OPTN: variants seen among roughly 807,000 people sequenced by gnomAD.
The protein encoded by OPTN is optineurin.
OPTN carries 54 observed loss-of-function variants against 70.4 expected under a neutral mutation model. The ratio of observed to expected loss-of-function variants is 0.77; its 90% CI spans 0.62 to 0.96. OPTN has a LOEUF of 0.96. Among genes scored for constraint, OPTN ranks in the 40% least tolerant of loss-of-function variants. The pLI is 0.00. For missense variants in OPTN, 624 were observed against 673.2 expected (o/e 0.93, Z 0.81); for synonymous variants, 256 against 248.5 (o/e 1.03, Z -0.28).
chr10:13,111,728 T>C (rs1564356828), intron 4 of OPTN, among the ~76,000 whole-genome samples: 1 of 151,992 alleles, frequency 6.6e-6, no homozygotes, highest in Non-Finnish European at 1.5e-5. Context: ...AAGCTGAAAT[T>C]TTCTACATTA....
At chr10:13,109,823 A>G (rs1832955175) in intron 3 of OPTN, among the ~76,000 whole-genome samples, 1 of 132,366 alleles carries the variant, frequency 7.6e-6, no homozygotes. Flanking sequence ...TGACAGAGAG[A>G]GACCCTGACT....
chr10:13,116,960 C>A (rs910274218), intron 6 of OPTN, among the ~76,000 whole-genome samples: 2 of 152,126 alleles, frequency 1.3e-5, no homozygotes, highest in African/African-American at 4.8e-5. Context: ...AGCGCCTGAA[C>A]CTCTTGACTC....
chr10:13,124,348 A>C (rs1181101778), intron 9 of OPTN, among the ~76,000 whole-genome samples: 2 of 152,190 alleles, frequency 1.3e-5, no homozygotes, highest in East Asian at 3.9e-4. Flanking sequence ...CATTTGTTAA[A>C]TGTACGAGCC....
chr10:13,132,331 G>A, intron 13 of OPTN, 134 bp downstream of exon 13: 1 of 797,056 alleles, frequency 1.3e-6, no homozygotes, highest in Non-Finnish European at 2.0e-6. Flanking sequence ...CTAGGTGACA[G>A]AGCGAGTCCC....
At chr10:13,106,511 T>G (rs1003845398) in intron 1 of OPTN, among the ~76,000 whole-genome samples, 1 of 152,218 alleles carries the variant, frequency 6.6e-6, no homozygotes, top group African/African-American at 2.4e-5. Flanking sequence ...TTCTGCTTCG[T>G]AAGATTGCCA....
chr10:13,135,492 G>C (rs1833680622), intron 14 of OPTN, among the ~76,000 whole-genome samples: 2 of 151,474 alleles, frequency 1.3e-5, no homozygotes, highest in African/African-American at 4.9e-5. Flanking sequence ...ATCTAAACTA[G>C]GGGCCCTTCC....
At chr10:13,134,619 G>A (rs1833661024) in intron 14 of OPTN, among the ~76,000 whole-genome samples, 2 of 151,986 alleles carry the variant, frequency 1.3e-5, no homozygotes, top group African/African-American at 4.8e-5. Flanking sequence ...GTAGAGACAG[G>A]GTTTCACCAT....
At chr10:13,106,423 C>A (rs913950017) in intron 1 of OPTN, among the ~76,000 whole-genome samples, 2 of 152,166 alleles carry the variant, frequency 1.3e-5, no homozygotes, top group African/African-American at 2.4e-5. Context: ...TGCATTATAC[C>A]TGTTTTCTAA....
intron 4 of OPTN, among the ~76,000 whole-genome samples, 180 bp from the exon 5 acceptor site, chr10:13,112,273 A>AATT (rs1833024919): frequency 1.3e-5 from 2 of 149,226 alleles, no homozygotes; most frequent in African/African-American, 5.0e-5. Context: ...ACACCTGGCT[A>AATT]ATTATTAAAT....
intron 1 of OPTN, among the ~76,000 whole-genome samples, chr10:13,106,752 G>A (rs1832873917): frequency 6.6e-6 from 1 of 152,188 alleles, no homozygotes; most frequent in Non-Finnish European, 1.5e-5. Context: ...GGTGCATTTT[G>A]TTTTATTTTA....
chr10:13,133,658 A>G, intron 14 of OPTN, 77 bp downstream of exon 14: 1 of 1,282,630 alleles, frequency 7.8e-7, no homozygotes, highest in Non-Finnish European at 1.1e-6. Context: ...ATTCCACTTC[A>G]TTCTCTACAA....
intron 5 of OPTN, among the ~76,000 whole-genome samples, chr10:13,115,469 GAATATAT>G (rs1833168260): frequency 2.2e-5 from 2 of 89,660 alleles, no homozygotes; most frequent in African/African-American, 1.2e-4. Context: ...ATATAATATA[GAATATAT>G]ATAATATATT....
intron 1 of OPTN, among the ~76,000 whole-genome samples, chr10:13,104,127 G>A (rs1216283289): frequency 6.6e-6 from 1 of 152,010 alleles, no homozygotes; most frequent in African/African-American, 2.4e-5. Context: ...TCTGTAACTG[G>A]CATTCCACCG....
Position 13,109,108 on chromosome 10 carries a change from A to G in OPTN, c.-11-4A>G, listed in dbSNP as rs1348021141. 2 of 1,613,664 alleles carry G rather than the reference A, an allele frequency of 1.2e-6. No individual in the cohort carries two copies. The highest frequency in any genetic ancestry group is 2.2e-5 in the East Asian group (1 of 44,880). ...TCTATTTTCAACAGGTGACTTTTCC[A>G]CAGGAACTTCTGCAATGTCCCATCA... On this transcript the variant is annotated splice_polypyrimidine_tract_variant and splice_region_variant and intron_variant, in intron 2 of 14. Transcript: ENST00000378747.
chr10:13,114,814 T>TTATATAACTATATAATTATATAACGTA (rs1564358865), intron 5 of OPTN, among the ~76,000 whole-genome samples: 2 of 66,690 alleles, frequency 3.0e-5, no homozygotes, highest in Non-Finnish European at 5.1e-5. Flanking sequence ...ATATATATAA[T>TTATATAACTATATAATTATATAACGTA]TATATAATTA....
In OPTN at chr10:13,126,024, A is replaced by G; in HGVS notation, c.1227A>G (p.Glu409=). Residue 409 remains glutamate, a synonymous_variant, in exon 11 of 15, where the codon GAA becomes GAG. Coordinates refer to ENST00000378747, the MANE Select transcript of OPTN (RefSeq NM_001008212.2). ...ATAATGCATTGAAAACAATTGAGGA[A>G]CTAACAAGAAAAGAGGTATTCACTG... The part of the protein sequence containing the change: ...EHNNALKTIE[E]LTRKESEKVD... The G allele has an allele frequency of 3.1e-6, 5 of 1,607,808 alleles. No homozygotes were observed. The highest frequency in any genetic ancestry group is 4.3e-6 in the Non-Finnish European group (5 of 1,174,426).
intron 7 of OPTN, among the ~76,000 whole-genome samples, chr10:13,120,780 A>G (rs1833331007): frequency 1.3e-5 from 2 of 152,142 alleles, no homozygotes; most frequent in Non-Finnish European, 2.9e-5. Flanking sequence ...CAGGAAGTGT[A>G]TTAGCCCGTT....
At chr10:13,134,001 G>C (rs1833647512) in intron 14 of OPTN, among the ~76,000 whole-genome samples, 1 of 152,062 alleles carries the variant, frequency 6.6e-6, no homozygotes, top group South Asian at 2.1e-4. Flanking sequence ...TAGAGATGGG[G>C]TTTCACCGTG....
At chr10:13,108,880 ACG>A in intron 2 of OPTN, 2 of 516,354 alleles carry the variant, frequency 3.9e-6, no homozygotes. Flanking sequence ...ATACACACAC[ACG>A]CACACACACA....
Sources: allele counts gnomAD v4.1 joint callset (sites outside exome capture counted in the v4.1 genomes callset), GRCh38; gene constraint gnomAD v4.1.1; transcripts MANE v1.5; gene names NCBI Gene and HGNC (gene_info 2026-07-23, HGNC 2026-07-21).